Variants in NIPSNAP3B observed in about 807,000 individuals in gnomAD.
The protein encoded by NIPSNAP3B is protein NipSnap homolog 3B.
In NIPSNAP3B, 30 loss-of-function variants were observed where a neutral mutation model predicts 31.5. That is an observed-to-expected ratio of 0.95 (90% CI 0.71 to 1.29). The LOEUF (loss-of-function observed/expected upper bound fraction) is 1.29, where lower values mean the gene tolerates loss of function less well. NIPSNAP3B is among the 50% of genes most tolerant of loss of function. The probability of loss-of-function intolerance (pLI) is 0.00; values close to 1 mark genes in which losing one functional copy is unlikely to be tolerated. For synonymous variants in NIPSNAP3B, 106 were observed against 107.9 expected (o/e 0.98, Z 0.11); for missense variants, 269 against 300.7 (o/e 0.89, Z 0.78).
chr9:104,770,972 A>C lies in NIPSNAP3B; in HGVS notation c.554A>C (p.His185Pro). 1.2e-6 allele frequency: 2 copies of C among 1,613,978 alleles called. No homozygotes were observed. Among genetic ancestry groups the C allele is most frequent in the Non-Finnish European group, 8.5e-7 (1 of 1,179,856 alleles). Residue 185 changes from histidine (H) to proline (P), a missense_variant, in exon 4 of 6, where the codon CAC (histidine) becomes CCC (proline). Transcript: ENST00000374762. ...TACACAAAAGTAGTTGGTGTTTTCC[A>C]CACAGAATATGGAGAACTCAACAGA... ...LGYTKVVGVF[H>P]TEYGELNRVH... is the part of the protein sequence containing the mutation.
the NIPSNAP3B span, chr9:104,785,248 G>A: frequency 9.7e-7 from 1 of 1,025,964 alleles, no homozygotes; most frequent in Non-Finnish European, 1.4e-6. Context: ...GGTTCAGAGA[G>A]GTTTAGTAAA....
In NIPSNAP3B at chr9:104,764,189, A is replaced by G. The variant is rs1218860075; in HGVS notation, c.-52A>G. The G allele has an allele frequency of 6.5e-6, 10 of 1,531,796 alleles. No homozygotes were observed. The highest frequency in any genetic ancestry group is 8.9e-6 in the Non-Finnish European group (10 of 1,124,728). The allele number at this position is 1,531,796 out of a possible 1,614,324, so 94.9% of individuals were successfully genotyped here. The stretch of plus-strand genomic sequence containing the variant: ...TTTTCCACTCGGGAAGACTTCAGAG[A>G]AGTCTCACAAAGGACTCGGCTGGCT... On this transcript the variant is annotated 5_prime_UTR_variant, in exon 1 of 6. Coordinates refer to ENST00000374762, the MANE Select transcript of NIPSNAP3B (RefSeq NM_018376.4).
downstream of NIPSNAP3B, chr9:104,782,278 A>G (rs1368218382): frequency 6.6e-6 from 1 of 152,140 alleles, no homozygotes. Flanking sequence ...TATATTTAAA[A>G]TCAATATTGA....
At chr9:104,771,105 T>C in intron 4 of NIPSNAP3B, 107 bp downstream of exon 4, 1 of 1,024,416 alleles carries the variant, frequency 9.8e-7, no homozygotes, top group South Asian at 1.9e-5. Context: ...ATTTTTAGAG[T>C]TTGTTGTTTA....
Position 104,769,058 on chromosome 9 carries a change from G to A in NIPSNAP3B, c.430+37G>A, listed in dbSNP as rs746446963. On this transcript the variant is annotated intron_variant, in intron 3 of 5. Coordinates refer to ENST00000374762, the MANE Select transcript of NIPSNAP3B (RefSeq NM_018376.4). Reference sequence around the variant, plus strand: ...CCTCTTAGACTATGAGTTTTAATGAGTAAAATACTAAAGACCTAAAGTTAT... The same window carrying A: ...CCTCTTAGACTATGAGTTTTAATGAATAAAATACTAAAGACCTAAAGTTAT... 10 of 1,526,092 alleles carry A rather than the reference G, an allele frequency of 6.6e-6. No individual in the cohort carries two copies. The Admixed American group carries it at 1.6e-4, about 24-fold the overall frequency. 94.5% of individuals were successfully genotyped at this position (1,526,092 alleles called of 1,614,324 possible).
chr9:104,764,142 G>T lies in NIPSNAP3B; in HGVS notation c.-99G>T. 1 of 1,168,738 alleles carries T rather than the reference G, an allele frequency of 8.6e-7. No homozygotes were observed. The highest frequency in any genetic ancestry group is 1.2e-6 in the Non-Finnish European group (1 of 817,898). The allele number at this position is 1,168,738 out of a possible 1,614,324, so 72.4% of individuals were successfully genotyped here. On this transcript the variant is annotated 5_prime_UTR_variant, in exon 1 of 6. Coordinates refer to ENST00000374762, the MANE Select transcript of NIPSNAP3B (RefSeq NM_018376.4). ...CCGAGTCCCGCCCCTGCCTGAGTTCGCCAGTGGTCCAGGAGCCGCTTTTTT... is the reference window on the plus strand; with the variant it reads ...CCGAGTCCCGCCCCTGCCTGAGTTCTCCAGTGGTCCAGGAGCCGCTTTTTT...
chr9:104,764,790 G>A (rs1489572712), intron 1 of NIPSNAP3B, among the ~76,000 whole-genome samples: 1 of 151,950 alleles, frequency 6.6e-6, no homozygotes, highest in Non-Finnish European at 1.5e-5. Context: ...CTCGTGATCC[G>A]CCCACCTTGG....
chr9:104,784,970 C>G, the NIPSNAP3B span, among the ~76,000 whole-genome samples: 9 of 152,130 alleles, frequency 5.9e-5, no homozygotes, highest in South Asian at 2.1e-4. Flanking sequence ...TATCGCCCCC[C>G]ACCCCTACAT....
Position 104,773,038 on chromosome 9 carries a change from C to T in NIPSNAP3B, c.709C>T (p.Leu237Phe), listed in dbSNP as rs750147301. 1.3e-5 allele frequency: 21 copies of T among 1,613,986 alleles called. No homozygotes were observed. Among genetic ancestry groups the T allele is most frequent in the Middle Eastern group, 1.6e-4 (1 of 6,080 alleles). Reference protein sequence around the residue: ...VNYLVSQQNMLLIPASFSPLK With the variant: ...VNYLVSQQNMFLIPASFSPLK ...CTACCTAGTTTCTCAGCAGAATATG[C>T]TTCTGATTCCTGCATCATTTTCACC... Residue 237 changes from leucine to phenylalanine, a missense_variant, in exon 6 of 6, where the codon CTT becomes TTT. Coordinates refer to ENST00000374762, the MANE Select transcript of NIPSNAP3B (RefSeq NM_018376.4).
Position 104,773,613 on chromosome 9 carries a change from C to T in NIPSNAP3B, c.*540C>T, listed in dbSNP as rs905906096. The T allele has an allele frequency of 1.3e-5, 2 of 152,138 alleles. No individual in the cohort carries two copies. The highest frequency in any genetic ancestry group is 2.4e-5 in the African/African-American group (1 of 41,412). 9.4% of individuals were successfully genotyped at this position (152,138 alleles called of 1,614,324 possible). On this transcript the variant is annotated 3_prime_UTR_variant, in exon 6 of 6. Coordinates refer to ENST00000374762, the MANE Select transcript of NIPSNAP3B (RefSeq NM_018376.4). ...TCATCTGTATTAATTATTGCTTTTA[C>T]ATTCATTGATTATTAGTCATTCTAA...
At chr9:104,765,404 C>T (rs968499902) in intron 1 of NIPSNAP3B, among the ~76,000 whole-genome samples, 13 of 152,112 alleles carry the variant, frequency 8.5e-5, no homozygotes, top group African/African-American at 1.2e-4. Context: ...TGTGTATACA[C>T]GTGTGTTTAC....
At chr9:104,785,952 C>G in the NIPSNAP3B span, among the ~76,000 whole-genome samples, 1 of 152,182 alleles carries the variant, frequency 6.6e-6, no homozygotes, top group Non-Finnish European at 1.5e-5. Context: ...ATTGGTAGGG[C>G]CAGGATGCAA....
chr9:104,788,263 C>T, the NIPSNAP3B span, among the ~76,000 whole-genome samples: 5 of 152,144 alleles, frequency 3.3e-5, no homozygotes, highest in African/African-American at 1.2e-4. Flanking sequence ...GCCCCACCAC[C>T]GTTACAGGTT....
At chr9:104,777,994 A>AATG (rs1341944693), downstream of NIPSNAP3B, among the ~76,000 whole-genome samples, 35 of 152,232 alleles carry the variant, frequency 2.3e-4, no homozygotes, top group Non-Finnish European at 2.5e-4. Flanking sequence ...TCTTCTCAGC[A>AATG]ATGTTGGACA....
chr9:104,764,600 C>G (rs1254517522), intron 1 of NIPSNAP3B, among the ~76,000 whole-genome samples: 1 of 152,118 alleles, frequency 6.6e-6, no homozygotes, highest in African/African-American at 2.4e-5. Flanking sequence ...AGTGCAGTGG[C>G]GTAGTCTCGG....
Position 104,775,151 on chromosome 9 carries a change from A to G in NIPSNAP3B, c.*2078A>G, listed in dbSNP as rs1370942873. 6.6e-6 allele frequency among the ~76,000 whole-genome samples: 1 copy of G among 151,258 alleles called. No homozygotes were observed. The highest frequency in any genetic ancestry group is 2.0e-4 in the East Asian group (1 of 5,120). On this transcript the variant is annotated 3_prime_UTR_variant, in exon 6 of 6. Transcript: ENST00000374762. ...AGCCACAGTATTCCCCTTCAACTGG[A>G]TTCTTCTCCTCAGCATATAAATATA... is the stretch of plus-strand genomic sequence containing the variant.
chr9:104,769,737 A>G (rs1828170785), intron 3 of NIPSNAP3B, among the ~76,000 whole-genome samples: 1 of 152,132 alleles, frequency 6.6e-6, no homozygotes, highest in Admixed American at 6.5e-5. Context: ...TTTTTTCCAC[A>G]AAGTCAGCTA....
chr9:104,782,924 A>G, the NIPSNAP3B span: 1 of 152,494 alleles, frequency 6.6e-6, no homozygotes, highest in African/African-American at 2.4e-5. Context: ...ATATTTGTAA[A>G]CCAGTGAGCT....
rs1265413057 is a variant in NIPSNAP3B, at chr9:104,773,094, CA to C, written c.*22del. ...AATAGTTTTCTACTGAAATACAAAA[CA>C]TTTCATTAACTGCTCTAAGATGTGT... On this transcript the variant is annotated 3_prime_UTR_variant, in exon 6 of 6. Coordinates refer to ENST00000374762, the MANE Select transcript of NIPSNAP3B (RefSeq NM_018376.4). The C allele has an allele frequency of 3.7e-6, 6 of 1,602,152 alleles. No homozygotes were observed. Among genetic ancestry groups the C allele is most frequent in the Non-Finnish European group, 5.1e-6 (6 of 1,169,842 alleles).
Sources: allele counts gnomAD v4.1 joint callset (sites outside exome capture counted in the v4.1 genomes callset), GRCh38; gene constraint gnomAD v4.1.1; transcripts MANE v1.5; gene names NCBI Gene and HGNC (gene_info 2026-07-23, HGNC 2026-07-21).